The following IFT57 variants were observed in gnomAD, a reference collection of about 807,000 sequenced individuals.
The protein encoded by IFT57 is intraflagellar transport protein 57 homolog.
In IFT57, 59 loss-of-function variants were observed where a neutral mutation model predicts 56.8. The ratio of observed to expected loss-of-function variants is 1.04; its 90% confidence interval spans 0.84 to 1.29. The LOEUF (loss-of-function observed/expected upper bound fraction) is 1.29, where lower values mean the gene tolerates loss of function less well. Among genes scored for constraint, IFT57 ranks in the 50% most tolerant of loss-of-function variants. The pLI is 0.00. For missense variants in IFT57, 470 were observed against 522.1 expected, an observed-to-expected ratio of 0.90 and a Z score of 0.97; for synonymous variants, 209 against 186.1, an observed-to-expected ratio of 1.12 and a Z score of -1.00.
At chr3:108,173,535 A>G (rs1352518110) in intron 6 of IFT57, among the ~76,000 whole-genome samples, 1 of 151,838 alleles carries the variant, frequency 6.6e-6, no homozygotes, top group Non-Finnish European at 1.5e-5. Context: ...CTTACCTTCA[A>G]TGTGCTTGAA....
In IFT57 at chr3:108,222,413, C is replaced by G. The variant is rs1576054847; in HGVS notation, c.-91G>C. On this transcript the variant is annotated 5_prime_UTR_variant, in exon 1 of 11. Coordinates refer to ENST00000264538, the MANE Select transcript of IFT57 (RefSeq NM_018010.4). Reference sequence around the variant, plus strand: ...CTGCCGCCGCCAGTACAGCCACGACCGGTTACCAGGCGACCACCGGACAAT... The same window carrying G: ...CTGCCGCCGCCAGTACAGCCACGACGGGTTACCAGGCGACCACCGGACAAT... 2.8e-6 allele frequency: 3 copies of G among 1,066,742 alleles called. No homozygotes were observed. Among genetic ancestry groups the G allele is most frequent in the East Asian group, 5.7e-5 (2 of 35,114 alleles). 66.1% of individuals were successfully genotyped at this position (1,066,742 alleles called of 1,614,324 possible).
intron 6 of IFT57, among the ~76,000 whole-genome samples, chr3:108,186,882 C>T (rs2080186529): frequency 6.6e-6 from 1 of 152,124 alleles, no homozygotes; most frequent in African/African-American, 2.4e-5. Context: ...TATATTTTCT[C>T]CTCCTTATGA....
chr3:108,180,531 A>C (rs1478106551), intron 6 of IFT57, among the ~76,000 whole-genome samples: 3 of 152,018 alleles, frequency 2.0e-5, no homozygotes, highest in Admixed American at 2.0e-4. Flanking sequence ...TCTCATACTG[A>C]TAAAACTCCC....
At chr3:108,218,748 T>C in intron 2 of IFT57, 95 bp from the exon 3 acceptor site, 2 of 533,844 alleles carry the variant, frequency 3.7e-6, no homozygotes, top group Middle Eastern at 9.9e-4. Flanking sequence ...ATGTATCACT[T>C]TTCTTTCAAA....
rs766735913 is a variant in IFT57 at position 108,166,936 on chromosome 3, AT to A, written c.898del (p.Ile300SerfsTer26). On this transcript the variant is annotated frameshift_variant, in exon 8 of 11. Coordinates refer to ENST00000264538, the MANE Select transcript of IFT57 (RefSeq NM_018010.4). LOFTEE classifies it high-confidence loss of function. ...HNEITRTLEK[I>X]SSREKYINNQ... The stretch of plus-strand genomic sequence containing the variant: ...GTTGATGTACTTTTCTCGGCTGCTG[AT>A]CTTTTCCAAAGTCCTAGTAATTTCA... 2 of 1,611,580 alleles carry A rather than the reference AT, an allele frequency of 1.2e-6. No individual in the cohort carries two copies. Among genetic ancestry groups the A allele is most frequent in the Non-Finnish European group, 1.7e-6 (2 of 1,178,538 alleles).
chr3:108,219,615 G>C (rs778759472), intron 1 of IFT57, 43 bp from the exon 2 acceptor site: 1 of 1,585,670 alleles, frequency 6.3e-7, no homozygotes, highest in Non-Finnish European at 8.7e-7. Context: ...GTGAAATAAT[G>C]CAAATAAGTC....
chr3:108,204,477 C>G (rs1372533597), intron 5 of IFT57, among the ~76,000 whole-genome samples: 1 of 152,216 alleles, frequency 6.6e-6, no homozygotes, highest in Non-Finnish European at 1.5e-5. Flanking sequence ...TTTGCTCCTT[C>G]TCAGTACTCA....
At chr3:108,178,535 C>T (rs1306576036) in intron 6 of IFT57, among the ~76,000 whole-genome samples, 4 of 151,784 alleles carry the variant, frequency 2.6e-5, no homozygotes, top group Non-Finnish European at 5.9e-5. Context: ...GGATTCATAT[C>T]CTGAATATAT....
intron 6 of IFT57, among the ~76,000 whole-genome samples, chr3:108,190,848 A>G (rs1267897233): frequency 2.0e-5 from 3 of 152,188 alleles, no homozygotes; most frequent in Non-Finnish European, 4.4e-5. Flanking sequence ...GCTGGAGTGC[A>G]GTGGTGCAGT....
At position 108,184,052 on chromosome 3, in the gene IFT57, A is replaced by T. The variant is rs115804451; in HGVS notation, c.777+7469T>A. Among the ~76,000 whole-genome samples, 1,193 of 152,268 alleles carry T rather than the reference A, an allele frequency of 7.8e-3. 10 individuals are homozygous for T. The highest frequency in any genetic ancestry group is 0.027 in the African/African-American group (1,120 of 41,568). ...TTATGTAGGAAAGTATTATCCTTCA[A>T]TAATTGTCCTAAAGTACTACTCTAG... is the stretch of plus-strand genomic sequence containing the variant. On this transcript the variant is annotated intron_variant, in intron 6 of 10. Coordinates refer to ENST00000264538, the MANE Select transcript of IFT57 (RefSeq NM_018010.4).
At chr3:108,187,094 G>A (rs772385920) in intron 6 of IFT57, among the ~76,000 whole-genome samples, 2 of 151,922 alleles carry the variant, frequency 1.3e-5, no homozygotes, top group South Asian at 2.1e-4. Context: ...GTTGTTCAAG[G>A]GTCAACTGTA....
intron 4 of IFT57, among the ~76,000 whole-genome samples, chr3:108,208,258 G>A (rs2080324337): frequency 6.6e-6 from 1 of 152,134 alleles, no homozygotes; most frequent in African/African-American, 2.4e-5. Flanking sequence ...TAAAACTGAA[G>A]CAGAGGTATA....
chr3:108,196,326 C>T (rs1251001875), intron 5 of IFT57, among the ~76,000 whole-genome samples: 1 of 152,004 alleles, frequency 6.6e-6, no homozygotes, highest in Non-Finnish European at 1.5e-5. Context: ...CCAAACAAGA[C>T]AAGGGCGCAC....
intron 5 of IFT57, among the ~76,000 whole-genome samples, chr3:108,196,722 A>G (rs2080246492): frequency 6.6e-6 from 1 of 152,202 alleles, no homozygotes; most frequent in South Asian, 2.1e-4. Flanking sequence ...GAAATGGCCC[A>G]GTTGCTAAGT....
At chr3:108,167,128 C>A in intron 7 of IFT57, 143 bp from the exon 8 acceptor site, 2 of 648,646 alleles carry the variant, frequency 3.1e-6, no homozygotes, top group Non-Finnish European at 5.1e-6. Context: ...TTCAATAGCA[C>A]AAAATATCTG....
chr3:108,190,981 C>G (rs774910025), intron 6 of IFT57, among the ~76,000 whole-genome samples: 1 of 151,938 alleles, frequency 6.6e-6, no homozygotes, highest in Admixed American at 6.6e-5. Context: ...TTAGTAGAGA[C>G]GGGGTTTCAC....
intron 9 of IFT57, among the ~76,000 whole-genome samples, chr3:108,164,754 A>G (rs2080051180): frequency 6.6e-6 from 1 of 152,064 alleles, no homozygotes; most frequent in African/African-American, 2.4e-5. Flanking sequence ...ATCTCTATAA[A>G]AGAGGTTTAA....
intron 3 of IFT57, 182 bp downstream of exon 3, chr3:108,218,353 A>C (rs570246386): frequency 4.8e-6 from 2 of 413,188 alleles, no homozygotes; most frequent in Non-Finnish European, 8.7e-6. Context: ...CTTCAGAATT[A>C]GTTTTGAAGA....
At chr3:108,207,167 T>A (rs929571500) in intron 4 of IFT57, among the ~76,000 whole-genome samples, 2 of 152,118 alleles carry the variant, frequency 1.3e-5, no homozygotes, top group Non-Finnish European at 2.9e-5. Context: ...ATTTTTGACA[T>A]CTCATCTCTG....
Sources: allele counts gnomAD v4.1 joint callset (sites outside exome capture counted in the v4.1 genomes callset), GRCh38; gene constraint gnomAD v4.1.1; transcripts MANE v1.5; gene names NCBI Gene and HGNC (gene_info 2026-07-23, HGNC 2026-07-21).